ARHGAP22: variants seen among roughly 807,000 people sequenced by gnomAD.
ARHGAP22 encodes the protein Rho GTPase activating protein 22, also known as rho GTPase-activating protein 22.
Under a neutral mutation model 59.1 loss-of-function variants are expected in ARHGAP22, and 48 were observed. The ratio of observed to expected loss-of-function variants is 0.81; its 90% CI spans 0.64 to 1.03. The LOEUF (loss-of-function observed/expected upper bound fraction) is 1.03, where lower values mean the gene tolerates loss of function less well. ARHGAP22 is among the 50% of genes least tolerant of loss of function. The pLI is 0.00. For synonymous variants in ARHGAP22, 445 were observed against 416.4 expected (o/e 1.07, Z -0.84); for missense variants, 1,015 against 958.7 (o/e 1.06, Z -0.78).
At chr10:48,627,953 C>T (rs2061505554) in intron 1 of ARHGAP22, among the ~76,000 whole-genome samples, 1 of 152,342 alleles carries the variant, frequency 6.6e-6, no homozygotes, top group South Asian at 2.1e-4. Flanking sequence ...TGGTTCCTTA[C>T]CCTGCACAAG....
intron 1 of ARHGAP22, among the ~76,000 whole-genome samples, chr10:48,638,281 T>C (rs1190907294): frequency 6.6e-6 from 1 of 152,166 alleles, no homozygotes; most frequent in African/African-American, 2.4e-5. Context: ...GAGACATACA[T>C]TGCTGCTGAT....
At chr10:48,652,608 T>A (rs2062611127) in exon 1 of ARHGAP22, 1 of 346,134 alleles carries the variant, frequency 2.9e-6, no homozygotes, top group Non-Finnish European at 5.3e-6. Flanking sequence ...GAACAAAGAA[T>A]TGAGAAGTGG....
intron 1 of ARHGAP22, among the ~76,000 whole-genome samples, chr10:48,590,382 G>A (rs574539907): frequency 2.0e-5 from 3 of 152,192 alleles, no homozygotes; most frequent in South Asian, 4.1e-4. Flanking sequence ...AGCTCAGGGG[G>A]TCAGAGGTTA....
intron 3 of ARHGAP22, among the ~76,000 whole-genome samples, chr10:48,509,710 T>C (rs564603967): frequency 2.8e-4 from 42 of 152,230 alleles, no homozygotes; most frequent in African/African-American, 9.6e-4. Context: ...CAGAAGGTTA[T>C]TGGAAAGGAG....
chr10:48,530,908 A>G (rs1297564965), intron 3 of ARHGAP22, among the ~76,000 whole-genome samples: 1 of 152,194 alleles, frequency 6.6e-6, no homozygotes, highest in Non-Finnish European at 1.5e-5. Flanking sequence ...TGATTCAACA[A>G]TCCCACTACT....
Position 48,450,504 on chromosome 10 carries a change from G to C in ARHGAP22, c.1625C>G (p.Ser542Cys), listed in dbSNP as rs1589410167. Residue 542 changes from serine (S) to cysteine (C), a missense_variant, in exon 9 of 10, where the codon TCC becomes TGC. Transcript: ENST00000249601. Reference protein sequence around the residue: ...CRASDSSARSSLHTDWALEPS... With the variant: ...CRASDSSARSCLHTDWALEPS... ...CTCCAGGGCCCAGTCGGTGTGCAGGGAACTGCGGGCAGACGAGTCGCTGGC... is the reference window on the plus strand; with the variant it reads ...CTCCAGGGCCCAGTCGGTGTGCAGGCAACTGCGGGCAGACGAGTCGCTGGC... 7.8e-6 allele frequency: 12 copies of C among 1,530,916 alleles called. No individual in the cohort carries two copies. The highest frequency in any genetic ancestry group is 1.4e-5 in the African/African-American group (1 of 73,160). The allele number at this position is 1,530,916 out of a possible 1,614,324, so 94.8% of individuals were successfully genotyped here.
chr10:48,537,804 A>G (rs545113589), intron 3 of ARHGAP22, among the ~76,000 whole-genome samples: 4 of 152,330 alleles, frequency 2.6e-5, no homozygotes, highest in African/African-American at 9.6e-5. Flanking sequence ...ATGATACAGC[A>G]TGGCTGGAGC....
chr10:48,592,353 C>A (rs746819209), intron 1 of ARHGAP22, among the ~76,000 whole-genome samples: 1 of 152,168 alleles, frequency 6.6e-6, no homozygotes, highest in Non-Finnish European at 1.5e-5. Context: ...CCCCAACATC[C>A]GTCCCACCAG....
chr10:48,458,107 A>G (rs1406933712), intron 5 of ARHGAP22, among the ~76,000 whole-genome samples: 1 of 151,756 alleles, frequency 6.6e-6, no homozygotes, highest in Admixed American at 6.6e-5. Context: ...GGGAGAGGAA[A>G]CCAAAGCCCA....
intron 2 of ARHGAP22, among the ~76,000 whole-genome samples, chr10:48,574,060 A>C (rs111756413): frequency 1.7e-5 from 1 of 60,088 alleles, no homozygotes; most frequent in East Asian, 0.017. Context: ...ACAGAGATAA[A>C]CAAGATAGAC....
chr10:48,454,675 G>A (rs2046316004), intron 6 of ARHGAP22, among the ~76,000 whole-genome samples: 1 of 152,212 alleles, frequency 6.6e-6, no homozygotes, highest in African/African-American at 2.4e-5. Context: ...TGAGTGGCCT[G>A]AGTCGGGTGT....
chr10:48,598,136 G>A (rs1393393360), intron 1 of ARHGAP22, among the ~76,000 whole-genome samples: 1 of 152,274 alleles, frequency 6.6e-6, no homozygotes, highest in African/African-American at 2.4e-5. Context: ...CACTGGTCAG[G>A]TGGGGGCACT....
At chr10:48,518,446 A>G (rs1263053430) in intron 3 of ARHGAP22, among the ~76,000 whole-genome samples, 2 of 152,250 alleles carry the variant, frequency 1.3e-5, no homozygotes, top group Admixed American at 6.5e-5. Flanking sequence ...GGAAAAATAC[A>G]TAATGGCAAG....
chr10:48,643,758 A>AT (rs1361571484), intron 1 of ARHGAP22, among the ~76,000 whole-genome samples: 2 of 143,278 alleles, frequency 1.4e-5, no homozygotes, highest in Non-Finnish European at 1.5e-5. Flanking sequence ...TAATTAAAAA[A>AT]AAAAAAATAT....
upstream of ARHGAP22, among the ~76,000 whole-genome samples, chr10:48,655,086 T>C (rs1180943495): frequency 1.4e-4 from 8 of 56,630 alleles, no homozygotes; most frequent in African/African-American, 2.7e-4. Flanking sequence ...TCTCTTCTCT[T>C]CTCTTCTCTT....
chr10:48,578,328 C>G (rs1336270250), intron 2 of ARHGAP22, among the ~76,000 whole-genome samples: 1 of 152,146 alleles, frequency 6.6e-6, no homozygotes, highest in Admixed American at 6.5e-5. Flanking sequence ...ATCTGTTTTC[C>G]TGCATCCAGA....
At chr10:48,452,305 C>T (rs1306098881) in intron 8 of ARHGAP22, among the ~76,000 whole-genome samples, 1 of 152,194 alleles carries the variant, frequency 6.6e-6, no homozygotes, top group Non-Finnish European at 1.5e-5. Flanking sequence ...AGGGTGGACT[C>T]TCCCACTGAA....
At chr10:48,500,325 C>T (rs1053549760) in intron 3 of ARHGAP22, among the ~76,000 whole-genome samples, 1 of 143,400 alleles carries the variant, frequency 7.0e-6, no homozygotes, top group African/African-American at 2.8e-5. Flanking sequence ...GGTGACAAAG[C>T]AAGACTCTAT....
At chr10:48,477,598 A>G (rs544705269) in intron 4 of ARHGAP22, among the ~76,000 whole-genome samples, 1 of 152,358 alleles carries the variant, frequency 6.6e-6, no homozygotes, top group Admixed American at 6.5e-5. Context: ...CCCTAGCAAT[A>G]TGTGCAAGTT....
Sources: allele counts gnomAD v4.1 joint callset (sites outside exome capture counted in the v4.1 genomes callset), GRCh38; gene constraint gnomAD v4.1.1; transcripts MANE v1.5; gene names NCBI Gene and HGNC (gene_info 2026-07-23, HGNC 2026-07-21).